PDE3B: variants seen among roughly 807,000 people sequenced by gnomAD.
PDE3B encodes the protein cGMP-inhibited 3',5'-cyclic phosphodiesterase 3B.
A neutral mutation model predicts 116.8 loss-of-function variants in PDE3B; 66 were observed. The observed-to-expected ratio is 0.56, with a 90% CI of 0.46 to 0.69. The LOEUF (loss-of-function observed/expected upper bound fraction) is 0.69, where lower values mean the gene tolerates loss of function less well. Ranked by LOEUF, PDE3B falls within the 30% of genes least tolerant of loss-of-function variation. The pLI is 0.00. For synonymous variants in PDE3B, 595 were observed against 533.6 expected (o/e 1.12, Z -1.59); for missense variants, 1,384 against 1,368.1 (o/e 1.01, Z -0.18).
chr11:14,665,940 T>C (rs1176975103), intron 1 of PDE3B, among the ~76,000 whole-genome samples: 8 of 152,080 alleles, frequency 5.3e-5, no homozygotes, highest in Non-Finnish European at 1.0e-4. Flanking sequence ...TACTTTAAAG[T>C]TCATATGGAA....
chr11:14,734,012 G>A (rs1307772623), intron 1 of PDE3B, among the ~76,000 whole-genome samples: 2 of 152,204 alleles, frequency 1.3e-5, no homozygotes, highest in Non-Finnish European at 2.9e-5. Context: ...CAAATTAAGT[G>A]TAGTCGTGAG....
At chr11:14,811,545 C>A (rs1247693772) in intron 5 of PDE3B, among the ~76,000 whole-genome samples, 1 of 152,092 alleles carries the variant, frequency 6.6e-6, no homozygotes, top group East Asian at 1.9e-4. Context: ...TTACTGTAGC[C>A]TTGTAGTATA....
chr11:14,653,127 A>G (rs905931995), intron 1 of PDE3B, among the ~76,000 whole-genome samples: 6 of 152,142 alleles, frequency 3.9e-5, no homozygotes, highest in Admixed American at 1.3e-4. Context: ...TGATTTTTAT[A>G]TACTGCAGCT....
intron 1 of PDE3B, among the ~76,000 whole-genome samples, chr11:14,752,145 C>G (rs758832282): frequency 1.1e-4 from 17 of 152,112 alleles, no homozygotes; most frequent in Admixed American, 3.3e-4. Context: ...TTGTTTGTTT[C>G]TAAGAGTCTT....
intron 2 of PDE3B, chr11:14,774,340 T>G (rs1857724738): frequency 6.6e-6 from 1 of 152,198 alleles, no homozygotes; most frequent in South Asian, 2.1e-4. Flanking sequence ...ATAATACCAG[T>G]TCCCTCAAAG....
intron 13 of PDE3B, among the ~76,000 whole-genome samples, chr11:14,860,310 CTATTAAGTTTCAA>C (rs1314139697): frequency 1.3e-5 from 2 of 151,898 alleles, no homozygotes; most frequent in African/African-American, 4.8e-5. Context: ...TCTAGACTTC[CTATTAAGTTTCAA>C]TCAAAAGAGC....
intron 11 of PDE3B, 112 bp downstream of exon 11, chr11:14,835,207 A>G: frequency 1.6e-6 from 1 of 637,908 alleles, no homozygotes; most frequent in South Asian, 2.2e-5. Flanking sequence ...CGTTTAGTAC[A>G]TACGAAGGAC....
In PDE3B at chr11:14,818,182, G is replaced by A. The variant is rs535108921; in HGVS notation, c.1523-1G>A. 6.3e-7 allele frequency: 1 copy of A among 1,590,896 alleles called. No individual in the cohort carries two copies. Among genetic ancestry groups the A allele is most frequent in the African/African-American group, 1.3e-5 (1 of 74,436 alleles). ...TATCTCCTTTCTTTTAATTTTTAAAGGTGTTTTGTCCAGTCTGAGTCCTGT... is the reference window on the plus strand; with the variant it reads ...TATCTCCTTTCTTTTAATTTTTAAAAGTGTTTTGTCCAGTCTGAGTCCTGT... On this transcript the variant is annotated splice_acceptor_variant, in intron 5 of 15. Coordinates refer to ENST00000282096, the MANE Select transcript of PDE3B (RefSeq NM_000922.4). LOFTEE classifies it high-confidence loss of function.
chr11:14,707,748 A>T (rs1221229568), intron 1 of PDE3B, among the ~76,000 whole-genome samples: 1 of 151,928 alleles, frequency 6.6e-6, no homozygotes, highest in Non-Finnish European at 1.5e-5. Context: ...TTTTACTGAG[A>T]GTGTGGGGTT....
In PDE3B at chr11:14,831,782, G is replaced by T; in HGVS notation, c.2094+5G>T. ...TCAGGAAGGATTCTCAGTCAGGTTT[G>T]CTTTCAAATATCTACTTTTTAACTG... On this transcript the variant is annotated splice_donor_5th_base_variant and intron_variant, in intron 9 of 15. Transcript: ENST00000282096. 6.3e-7 allele frequency: 1 copy of T among 1,588,072 alleles called. No individual in the cohort carries two copies.
intron 1 of PDE3B, among the ~76,000 whole-genome samples, chr11:14,715,961 G>C (rs538778393): frequency 4.3e-4 from 66 of 152,316 alleles, no homozygotes; most frequent in African/African-American, 1.5e-3. Context: ...AGCTCCCAGC[G>C]TGAGCGACGC....
intron 1 of PDE3B, among the ~76,000 whole-genome samples, chr11:14,741,490 A>T (rs942189903): frequency 2.2e-4 from 34 of 152,022 alleles, no homozygotes; most frequent in African/African-American, 7.7e-4. Context: ...GTTTTTGCAT[A>T]TGAGATGGGT....
intron 2 of PDE3B, among the ~76,000 whole-genome samples, chr11:14,785,456 T>C (rs189962249): frequency 6.6e-6 from 1 of 152,260 alleles, no homozygotes; most frequent in Non-Finnish European, 1.5e-5. Context: ...AGTTCCAAAA[T>C]GTATTGGGGA....
At chr11:14,694,999 C>G (rs1855159922) in intron 1 of PDE3B, among the ~76,000 whole-genome samples, 1 of 152,092 alleles carries the variant, frequency 6.6e-6, no homozygotes, top group South Asian at 2.1e-4. Flanking sequence ...CACACAGATC[C>G]AAGTATGCCG....
chr11:14,707,113 A>G (rs971436015), intron 1 of PDE3B, among the ~76,000 whole-genome samples: 30 of 152,000 alleles, frequency 2.0e-4, no homozygotes, highest in Non-Finnish European at 2.4e-4. Flanking sequence ...GTAATAAGTG[A>G]TGAGAAGAAG....
intron 7 of PDE3B, among the ~76,000 whole-genome samples, chr11:14,821,496 TAGG>T (rs149939102): frequency 0.015 from 2,319 of 152,284 alleles, 55 homozygotes; most frequent in African/African-American, 0.053. Flanking sequence ...TAATAGTTAT[TAGG>T]AGTTCATATC....
At chr11:14,734,270 A>G (rs1856538131) in intron 1 of PDE3B, among the ~76,000 whole-genome samples, 1 of 152,100 alleles carries the variant, frequency 6.6e-6, no homozygotes, top group Admixed American at 6.6e-5. Flanking sequence ...TGGGGGTCCC[A>G]CTGTGTTTCC....
intron 1 of PDE3B, among the ~76,000 whole-genome samples, chr11:14,724,765 A>G (rs1432757099): frequency 6.6e-6 from 1 of 152,208 alleles, no homozygotes; most frequent in African/African-American, 2.4e-5. Flanking sequence ...GAGTGAGAAG[A>G]GAAGAAGGCC....
At chr11:14,892,899 C>T in the PDE3B span, among the ~76,000 whole-genome samples, 8 of 152,164 alleles carry the variant, frequency 5.3e-5, no homozygotes, top group Non-Finnish European at 1.2e-4. Context: ...CACTTGTTCA[C>T]GGAGAGTATT....
Sources: allele counts gnomAD v4.1 joint callset (sites outside exome capture counted in the v4.1 genomes callset), GRCh38; gene constraint gnomAD v4.1.1; transcripts MANE v1.5; gene names NCBI Gene and HGNC (gene_info 2026-07-23, HGNC 2026-07-21).